TMPRSS15: variants seen among roughly 807,000 people sequenced by gnomAD.
TMPRSS15 encodes transmembrane serine protease 15.
A neutral mutation model predicts 125.3 loss-of-function variants in TMPRSS15; 128 were observed. The observed-to-expected ratio is 1.02, with a 90% CI of 0.89 to 1.18. The LOEUF (loss-of-function observed/expected upper bound fraction) is 1.18, where lower values mean the gene tolerates loss of function less well. Ranked by LOEUF, TMPRSS15 falls within the 50% of genes most tolerant of loss-of-function variation. The pLI is 0.00. For missense variants in TMPRSS15, 1,283 were observed against 1,212.7 expected (o/e 1.06, Z -0.86); for synonymous variants, 446 against 423.2 (o/e 1.05, Z -0.66).
At chr21:18,315,088 T>C (rs1313667165) in intron 17 of TMPRSS15, 58 bp downstream of exon 17, 2 of 1,321,608 alleles carry the variant, frequency 1.5e-6, no homozygotes, top group African/African-American at 2.9e-5. Flanking sequence ...TTTGACACTG[T>C]AGAGTCCAAA....
rs755119717 is a variant in TMPRSS15 at position 18,278,953 on chromosome 21, T to C, written c.2764+11A>G. Reference sequence around the variant, plus strand: ...TTTTTTTTTTTTTTTTTTTTGAGTCTGATAATTTACCTTGATATACAACCG... The same window carrying C: ...TTTTTTTTTTTTTTTTTTTTGAGTCCGATAATTTACCTTGATATACAACCG... On this transcript the variant is annotated intron_variant, in intron 23 of 24. Transcript: ENST00000284885. 1 of 918,148 alleles carries C rather than the reference T, an allele frequency of 1.1e-6. No individual in the cohort carries two copies. The allele number at this position is 918,148 out of a possible 1,614,324, so 56.9% of individuals were successfully genotyped here. A position where few individuals can be genotyped will look rare whatever the true frequency, so the allele number is the denominator to read the frequency against.
chr21:18,407,761 A>C (rs573829424), upstream of TMPRSS15, among the ~76,000 whole-genome samples: 95 of 152,190 alleles, frequency 6.2e-4, no homozygotes, highest in Non-Finnish European at 1.2e-3. Context: ...CCATAGGAGA[A>C]TAAGATAATT....
intron 8 of TMPRSS15, among the ~76,000 whole-genome samples, chr21:18,356,175 T>C (rs1004913949): frequency 1.3e-5 from 2 of 151,830 alleles, no homozygotes; most frequent in Non-Finnish European, 2.9e-5. Context: ...CAGCAAAGGC[T>C]CTGGTGAATA....
chr21:18,366,219 CTA>C (rs1232849602), intron 6 of TMPRSS15, among the ~76,000 whole-genome samples: 2 of 152,196 alleles, frequency 1.3e-5, no homozygotes, highest in East Asian at 3.9e-4. Flanking sequence ...GTACAAAGTG[CTA>C]TGTTTTCTTG....
intron 3 of TMPRSS15, among the ~76,000 whole-genome samples, chr21:18,387,896 CTGATTT>C (rs1193955972): frequency 6.6e-6 from 1 of 151,968 alleles, no homozygotes; most frequent in African/African-American, 2.4e-5. Context: ...ATTTCTGTTT[CTGATTT>C]TATCAATTGG....
intron 5 of TMPRSS15, among the ~76,000 whole-genome samples, chr21:18,377,189 T>A (rs2039251): frequency 6.6e-6 from 1 of 152,032 alleles, no homozygotes; most frequent in East Asian, 1.9e-4. Context: ...TACCTTATAA[T>A]AATAGTTTGA....
At chr21:18,436,141 C>T (rs1479465745) in intron 1 of TMPRSS15, among the ~76,000 whole-genome samples, 8 of 151,248 alleles carry the variant, frequency 5.3e-5, no homozygotes, top group Non-Finnish European at 1.2e-4. Flanking sequence ...TTTAGTTCTG[C>T]TCTGATTTTA....
At chr21:18,449,877 G>GCACACA (rs3082204) in intron 1 of TMPRSS15, among the ~76,000 whole-genome samples, 6 of 147,512 alleles carry the variant, frequency 4.1e-5, no homozygotes, top group African/African-American at 1.2e-4. Context: ...ACACACACAC[G>GCACACA]CACACACACA....
At chr21:18,394,933 C>T (rs1209093886) in intron 3 of TMPRSS15, among the ~76,000 whole-genome samples, 1 of 152,034 alleles carries the variant, frequency 6.6e-6, no homozygotes, top group Non-Finnish European at 1.5e-5. Flanking sequence ...AAGAGTAACA[C>T]ATGCATAACC....
intron 1 of TMPRSS15, among the ~76,000 whole-genome samples, chr21:18,402,507 G>A (rs2076104351): frequency 8.3e-6 from 1 of 120,112 alleles, no homozygotes; most frequent in Admixed American, 1.2e-4. Context: ...CCAGCCTGGC[G>A]ACAGAGCGAG....
intron 1 of TMPRSS15, among the ~76,000 whole-genome samples, chr21:18,436,329 G>A (rs1445699548): frequency 6.6e-6 from 1 of 151,994 alleles, no homozygotes; most frequent in Non-Finnish European, 1.5e-5. Flanking sequence ...CTGGTATGTT[G>A]TGTTTTTGTT....
At chr21:18,410,571 G>A (rs2076163605) in intron 1 of TMPRSS15, among the ~76,000 whole-genome samples, 1 of 150,888 alleles carries the variant, frequency 6.6e-6, no homozygotes, top group Non-Finnish European at 1.5e-5. Context: ...AAATGATGGG[G>A]AGGGGAGAGT....
chr21:18,441,759 C>T (rs967229437), intron 1 of TMPRSS15, among the ~76,000 whole-genome samples: 4 of 150,814 alleles, frequency 2.7e-5, no homozygotes, highest in African/African-American at 4.9e-5. Flanking sequence ...GGCAGGATCT[C>T]GGCTCACTGC....
chr21:18,365,108 T>C (rs1310825896), intron 7 of TMPRSS15, 32 bp downstream of exon 7: 1 of 1,577,136 alleles, frequency 6.3e-7, no homozygotes, highest in Admixed American at 1.7e-5. Flanking sequence ...GCTTTATGAC[T>C]TAAGAACAGA....
chr21:18,446,787 A>G (rs1011170104), intron 1 of TMPRSS15, among the ~76,000 whole-genome samples: 2 of 152,222 alleles, frequency 1.3e-5, no homozygotes, highest in African/African-American at 4.8e-5. Flanking sequence ...TTGCAAAATC[A>G]GCTGAAAATG....
intron 21 of TMPRSS15, among the ~76,000 whole-genome samples, chr21:18,291,957 C>T (rs1182993445): frequency 3.3e-5 from 5 of 152,112 alleles, no homozygotes; most frequent in Admixed American, 3.3e-4. Context: ...AAGTTCAGCC[C>T]CATCTTGAGA....
chr21:18,396,763 G>T, intron 3 of TMPRSS15, among the ~76,000 whole-genome samples: 1 of 103,168 alleles, frequency 9.7e-6, no homozygotes, highest in East Asian at 4.6e-4. Flanking sequence ...GACAGAATGA[G>T]ACTCTGTCTC....
rs752300282 is a variant in TMPRSS15, at chr21:18,315,136, T to C, written c.2032+10A>G. 2.6e-5 allele frequency: 42 copies of C among 1,605,214 alleles called. No homozygotes were observed. The South Asian group carries it at 3.7e-4, about 14-fold the overall frequency. On this transcript the variant is annotated intron_variant, in intron 17 of 24. Coordinates refer to ENST00000284885, the MANE Select transcript of TMPRSS15 (RefSeq NM_002772.3). ...AGTCATAAAAGTATTTTCCTAAAAA[T>C]AAGACATACCACAATCTGCTTCATC...
chr21:18,270,250 AT>A, intron 24 of TMPRSS15, 126 bp from the exon 25 acceptor site: 1 of 791,670 alleles, frequency 1.3e-6, no homozygotes, highest in South Asian at 1.9e-5. Flanking sequence ...ATTGCAAGTC[AT>A]CTGTATATAT....
Sources: allele counts gnomAD v4.1 joint callset (sites outside exome capture counted in the v4.1 genomes callset), GRCh38; gene constraint gnomAD v4.1.1; transcripts MANE v1.5; gene names NCBI Gene and HGNC (gene_info 2026-07-23, HGNC 2026-07-21).